RAPGEF5: variants seen among roughly 807,000 people sequenced by gnomAD.
RAPGEF5 encodes the protein M-Ras-regulated GEF.
In RAPGEF5, 65 loss-of-function variants were observed where a neutral mutation model predicts 125.2. The observed-to-expected ratio is 0.52, with a 90% confidence interval of 0.43 to 0.64. The LOEUF is 0.64. Ranked by LOEUF, RAPGEF5 falls within the 30% of genes least tolerant of loss-of-function variation. RAPGEF5 has a pLI of 0.00. For missense variants in RAPGEF5, 958 were observed against 1,048.1 expected (o/e 0.91, Z 1.19); for synonymous variants, 391 against 385.9 (o/e 1.01, Z -0.16).
intron 7 of RAPGEF5, among the ~76,000 whole-genome samples, chr7:22,237,402 G>T (rs1357441828): frequency 7.6e-5 from 11 of 144,134 alleles, no homozygotes; most frequent in Non-Finnish European, 1.4e-4. Context: ...TGACCCTTCT[G>T]GTCTTAAAGC....
chr7:22,242,947 C>CA (rs537954162), intron 7 of RAPGEF5, among the ~76,000 whole-genome samples: 11,925 of 65,206 alleles, frequency 0.18, 735 homozygotes, highest in Middle Eastern at 0.25. Flanking sequence ...AACTCCGTCT[C>CA]AAAAAAAAAA....
chr7:22,226,071 A>G (rs764674471), intron 8 of RAPGEF5, among the ~76,000 whole-genome samples: 2 of 152,180 alleles, frequency 1.3e-5, no homozygotes, highest in African/African-American at 4.8e-5. Context: ...CTTTGTATTA[A>G]AACATTCTCT....
intron 7 of RAPGEF5, among the ~76,000 whole-genome samples, chr7:22,240,038 G>A (rs71526391): frequency 0.079 from 12,042 of 151,672 alleles, 585 homozygotes; most frequent in Middle Eastern, 0.11. Context: ...GCAAAACCCC[G>A]TCTCTACTAA....
At chr7:22,154,326 TG>T in intron 17 of RAPGEF5, 128 bp downstream of exon 17, 1 of 1,055,350 alleles carries the variant, frequency 9.5e-7, no homozygotes, top group South Asian at 1.7e-5. Context: ...AGCTTCTTAT[TG>T]TTACTGTGGT....
At chr7:22,173,287 C>T (rs1334033566) in intron 11 of RAPGEF5, among the ~76,000 whole-genome samples, 1 of 152,164 alleles carries the variant, frequency 6.6e-6, no homozygotes, top group Non-Finnish European at 1.5e-5. Context: ...AAAAGCAATG[C>T]TTCTTTCCCT....
intron 9 of RAPGEF5, among the ~76,000 whole-genome samples, chr7:22,215,953 G>T (rs1370788433): frequency 1.3e-5 from 2 of 152,124 alleles, no homozygotes; most frequent in Non-Finnish European, 2.9e-5. Flanking sequence ...TAGCTTTTTG[G>T]CAAAGGTGGT....
intron 1 of RAPGEF5, among the ~76,000 whole-genome samples, chr7:22,343,491 C>G (rs1784166590): frequency 6.6e-6 from 1 of 152,082 alleles, no homozygotes; most frequent in South Asian, 2.1e-4. Context: ...ACAAGGTATT[C>G]AGATGTTGGT....
chr7:22,122,550 T>C (rs1782612812), intron 25 of RAPGEF5, 29 bp from the exon 26 acceptor site: 2 of 1,513,554 alleles, frequency 1.3e-6, no homozygotes, highest in Non-Finnish European at 1.8e-6. Context: ...AAAAAGACAA[T>C]CTCAGGAGAG....
chr7:22,203,658 G>A (rs767701403), intron 9 of RAPGEF5, among the ~76,000 whole-genome samples: 19 of 152,274 alleles, frequency 1.2e-4, no homozygotes, highest in Admixed American at 2.0e-4. Context: ...ACATCCATTC[G>A]CCCTGGTTAG....
Position 22,308,329 on chromosome 7 carries a change from A to C in RAPGEF5, c.680+10T>G, listed in dbSNP as rs1454858227. 6 of 1,576,690 alleles carry C rather than the reference A, an allele frequency of 3.8e-6. No individual in the cohort carries two copies. The South Asian group carries it at 5.9e-5, about 15-fold the overall frequency. ...TAAGAATACAATGGCACAAGAGAGC[A>C]TCTACTTACAGTTCACAGATGCCAC... On this transcript the variant is annotated intron_variant, in intron 5 of 25. Coordinates refer to ENST00000665637, the MANE Select transcript of RAPGEF5 (RefSeq NM_012294.5).
At chr7:22,154,432 T>C in intron 17 of RAPGEF5, 23 bp downstream of exon 17, 1 of 1,611,954 alleles carries the variant, frequency 6.2e-7, no homozygotes, top group Non-Finnish European at 8.5e-7. Flanking sequence ...AAGATTAATA[T>C]TCAAGGGTAG....
intron 1 of RAPGEF5, among the ~76,000 whole-genome samples, chr7:22,336,979 T>C (rs753937610): frequency 2.0e-5 from 3 of 152,130 alleles, no homozygotes; most frequent in East Asian, 3.8e-4. Flanking sequence ...AGAAAACAAG[T>C]GCACAGGCCC....
At chr7:22,138,027 ACACACACG>A (rs1278967971) in intron 21 of RAPGEF5, among the ~76,000 whole-genome samples, 174 of 151,454 alleles carry the variant, frequency 1.1e-3, no homozygotes, top group South Asian at 2.9e-3. Flanking sequence ...ACACACACAC[ACACACACG>A]CACGCACGCA....
At chr7:22,230,073 T>A (rs1786021267) in intron 8 of RAPGEF5, among the ~76,000 whole-genome samples, 1 of 152,200 alleles carries the variant, frequency 6.6e-6, no homozygotes, top group Non-Finnish European at 1.5e-5. Flanking sequence ...AACAGTATTT[T>A]AAATTTAGAA....
Position 22,162,411 on chromosome 7 carries a change from T to C in RAPGEF5, c.1414A>G (p.Lys472Glu). The change falls in exon 13 of 26, where the codon AAA (lysine) becomes GAA (glutamate). Residue 472 changes from lysine to glutamate, a missense_variant. Physicochemically the swap from Lys to Glu is moderately conservative, Grantham distance 56 (BLOSUM62 1). Coordinates refer to ENST00000665637, the MANE Select transcript of RAPGEF5 (RefSeq NM_012294.5). ...KDWLPEDEHS[K>E]MFLKTIYRNV... is the part of the protein sequence containing the mutation. ...TGTTTGATTACCTTTAAAAACATTT[T>C]TGAATGTTCATCTTCAGGTAACCAG... 6.3e-7 allele frequency: 1 copy of C among 1,587,532 alleles called. No homozygotes were observed. The highest frequency in any genetic ancestry group is 8.6e-7 in the Non-Finnish European group (1 of 1,157,062).
At position 22,199,889 on chromosome 7, in the gene RAPGEF5, C is replaced by T. The variant is rs539564453; in HGVS notation, c.997-5856G>A. ...ACAGCAGAGATGGACCCAGCTCTCT[C>T]TCAAGCTGAAGCGGAGTGTATCAAC... On this transcript the variant is annotated intron_variant, in intron 9 of 25. Transcript: ENST00000665637. Among the ~76,000 whole-genome samples the T allele has an allele frequency of 2.0e-5, 3 of 152,272 alleles. No homozygotes were observed. In the East Asian group the frequency reaches 5.8e-4, roughly 29 times the overall value.
At chr7:22,211,963 C>CTTTTTTTT (rs749576250) in intron 9 of RAPGEF5, among the ~76,000 whole-genome samples, 1 of 114,362 alleles carries the variant, frequency 8.7e-6, no homozygotes, top group East Asian at 2.8e-4. Flanking sequence ...CATGTGTTCT[C>CTTTTTTTT]TTTTTTTTTT....
chr7:22,283,676 GTATATTTC>G (rs1782728237), intron 6 of RAPGEF5, among the ~76,000 whole-genome samples: 3 of 152,024 alleles, frequency 2.0e-5, no homozygotes. Context: ...GAGTCAAATG[GTATATTTC>G]TATTTCTTGT....
chr7:22,289,286 C>T (rs1470994651), intron 6 of RAPGEF5, among the ~76,000 whole-genome samples: 1 of 152,154 alleles, frequency 6.6e-6, no homozygotes, highest in African/African-American at 2.4e-5. Context: ...AACTACATTA[C>T]ATTATTTATT....
Sources: gnomAD v4.1 joint callset for allele counts (sites outside exome capture counted in the v4.1 genomes callset) on GRCh38, gnomAD v4.1.1 for gene constraint, MANE v1.5 for transcripts, NCBI Gene and HGNC (gene_info 2026-07-23, HGNC 2026-07-21) for gene names.